The following KCNQ1OT1 variants were observed in gnomAD, a reference collection of about 807,000 sequenced individuals.
The protein encoded by KCNQ1OT1 is KCNQ1 antisense RNA 2 (non-protein coding).
chr11:2,628,271 C>A (rs931252248), exon 1 of KCNQ1OT1: 2 of 398,486 alleles, frequency 5.0e-6, no homozygotes, highest in Non-Finnish European at 8.8e-6. Context: ...TAAGGGACAC[C>A]TTTTCTCCAC....
exon 1 of KCNQ1OT1, chr11:2,635,594 A>T (rs1362442171): frequency 1.3e-5 from 2 of 152,120 alleles, no homozygotes; most frequent in South Asian, 2.1e-4. Flanking sequence ...GCCTTGTAGT[A>T]TAGTTTGAAG....
exon 1 of KCNQ1OT1, chr11:2,694,820 A>C: frequency 2.5e-6 from 1 of 398,650 alleles, no homozygotes. Flanking sequence ...GAGTGACTGA[A>C]GGGGATGACA....
exon 1 of KCNQ1OT1, chr11:2,675,408 G>A: frequency 2.5e-6 from 1 of 398,476 alleles, no homozygotes; most frequent in Non-Finnish European, 4.4e-6. Flanking sequence ...CAAATTAATT[G>A]AAAAATATAT....
rs917797496 is a variant in KCNQ1OT1 at position 2,614,757 on chromosome 11, C to T, written n.85238G>A. On this transcript the variant is annotated non_coding_transcript_exon_variant, in exon 1 of 1. Coordinates refer to ENST00000597346, the Ensembl canonical transcript of KCNQ1OT1. ...TATGTCCATCCTTGTGTCCTAGAGA[C>T]CACATTGTGTCAGTACCACATTGTT... 2.0e-5 allele frequency: 8 copies of T among 398,258 alleles called. No individual in the cohort carries two copies. In the Admixed American group the frequency reaches 3.5e-4, roughly 18 times the overall value. The allele number at this position is 398,258 out of a possible 1,614,324, so 24.7% of individuals were successfully genotyped here.
At chr11:2,656,184 C>G (rs1375776966) in exon 1 of KCNQ1OT1, 1 of 398,412 alleles carries the variant, frequency 2.5e-6, no homozygotes, top group African/African-American at 2.1e-5. Context: ...TTTCTTTCTT[C>G]CTTCCTTTAA....
At position 2,642,049 on chromosome 11, in the gene KCNQ1OT1, C is replaced by T. The variant is rs1849588214; in HGVS notation, n.57946G>A. ...TATAGCCTTATATTTTTAAATCAGG[C>T]AGTGTGATGCATCCAACTTTGTTAT... On this transcript the variant is annotated non_coding_transcript_exon_variant, in exon 1 of 1. Transcript: ENST00000597346. This position sits in a 1 kb window ranked among gnomAD's most constrained non-coding sequence, Gnocchi z 4.3. The T allele has an allele frequency of 5.0e-6, 2 of 398,194 alleles. No homozygotes were observed. The highest frequency in any genetic ancestry group is 8.9e-6 in the Non-Finnish European group (2 of 225,888). 24.7% of individuals were successfully genotyped at this position (398,194 alleles called of 1,614,324 possible). A position where few individuals can be genotyped will look rare whatever the true frequency, so the allele number is the denominator to read the frequency against.
chr11:2,651,739 TC>T lies in KCNQ1OT1; in HGVS notation n.48255del, dbSNP rs1315248255. On this transcript the variant is annotated non_coding_transcript_exon_variant, in exon 1 of 1. Coordinates refer to ENST00000597346, the Ensembl canonical transcript of KCNQ1OT1. This position sits in a 1 kb window ranked among gnomAD's most constrained non-coding sequence, Gnocchi z 6.1. ...GCATCATCCTCATTTCTATACGTTTTCTCTGATTACTGGAAATTCCTCAAGT... is the reference window on the plus strand; with the variant it reads ...GCATCATCCTCATTTCTATACGTTTTTCTGATTACTGGAAATTCCTCAAGT... The T allele has an allele frequency of 7.5e-6, 3 of 398,550 alleles. No homozygotes were observed. Among genetic ancestry groups the T allele is most frequent in the Non-Finnish European group, 1.3e-5 (3 of 226,100 alleles). 24.7% of individuals were successfully genotyped at this position (398,550 alleles called of 1,614,324 possible). A position where few individuals can be genotyped will look rare whatever the true frequency, so the allele number is the denominator to read the frequency against.
chr11:2,687,340 C>G lies in KCNQ1OT1; in HGVS notation n.12655G>C, dbSNP rs1274453921. On this transcript the variant is annotated non_coding_transcript_exon_variant, in exon 1 of 1. Transcript: ENST00000597346. The surrounding 1 kb of genome is among the most constrained non-coding windows in gnomAD (Gnocchi z 5.0). ...CTGGCTGAGGGCTGTGAGCCAGAGG[C>G]TGAGGTAGCCAGGTCTGCCTTGGGC... The G allele has an allele frequency of 5.0e-6, 2 of 398,580 alleles. No individual in the cohort carries two copies. The highest frequency in any genetic ancestry group is 8.8e-5 in the Admixed American group (2 of 22,714). The allele number at this position is 398,580 out of a possible 1,614,324, so 24.7% of individuals were successfully genotyped here.
At chr11:2,699,507 AGCCCCC>A in exon 1 of KCNQ1OT1, 2 of 176,920 alleles carry the variant, frequency 1.1e-5, no homozygotes, top group Non-Finnish European at 1.8e-5. Context: ...CGCGCTGAGG[AGCCCCC>A]AGGAGAGTGC....
Position 2,677,705 on chromosome 11 carries a change from C to T in KCNQ1OT1, n.22290G>A, listed in dbSNP as rs1377956542. On this transcript the variant is annotated non_coding_transcript_exon_variant, in exon 1 of 1. Coordinates refer to ENST00000597346, the Ensembl canonical transcript of KCNQ1OT1. The surrounding 1 kb of genome is among the most constrained non-coding windows in gnomAD (Gnocchi z 4.5). ...CTACTGTTATTTTTCAAATTAACTT[C>T]CCAATCAAATATCTCTATTGTAAAA... is the stretch of plus-strand genomic sequence containing the variant. 1 of 398,320 alleles carries T rather than the reference C, an allele frequency of 2.5e-6. No homozygotes were observed. The highest frequency in any genetic ancestry group is 4.4e-6 in the Non-Finnish European group (1 of 226,012). The allele number at this position is 398,320 out of a possible 1,614,324, so 24.7% of individuals were successfully genotyped here.
exon 1 of KCNQ1OT1, chr11:2,650,692 G>A (rs1849743485): frequency 2.5e-6 from 1 of 398,510 alleles, no homozygotes; most frequent in East Asian, 3.6e-5. Context: ...GATTCTGTAT[G>A]CAGTTTTGCA....
At chr11:2,629,067 C>A (rs1205019838) in exon 1 of KCNQ1OT1, 2 of 397,926 alleles carry the variant, frequency 5.0e-6, no homozygotes, top group African/African-American at 4.1e-5. Flanking sequence ...TGCTTTAGAT[C>A]TTTAAGGTCT....
In KCNQ1OT1 at chr11:2,613,349, A is replaced by T. The variant is rs1302977260; in HGVS notation, n.86646T>A. The T allele has an allele frequency of 3.8e-5, 15 of 398,498 alleles. No individual in the cohort carries two copies. The highest frequency in any genetic ancestry group is 1.3e-4 in the South Asian group (1 of 7,858). The allele number at this position is 398,498 out of a possible 1,614,324, so 24.7% of individuals were successfully genotyped here. On this transcript the variant is annotated non_coding_transcript_exon_variant, in exon 1 of 1. Transcript: ENST00000597346. This position sits in a 1 kb window ranked among gnomAD's most constrained non-coding sequence, Gnocchi z 4.8. ...TTCTTAATCTGTCGCTTGCCCAACC[A>T]GTATTGAAACATTAGGTTGCTGTGA...
chr11:2,616,267 T>C (rs1849062833), exon 1 of KCNQ1OT1: 1 of 397,692 alleles, frequency 2.5e-6, no homozygotes, highest in South Asian at 1.3e-4. Flanking sequence ...ATTTTAGATA[T>C]GTGCAACTTC....
chr11:2,625,149 A>G (rs1475547380), exon 1 of KCNQ1OT1: 1 of 398,558 alleles, frequency 2.5e-6, no homozygotes, highest in Non-Finnish European at 4.4e-6. Context: ...TTGAAGGAAC[A>G]CCAAACTGTT....
chr11:2,692,088 C>T, exon 1 of KCNQ1OT1: 1 of 398,794 alleles, frequency 2.5e-6, no homozygotes, highest in Non-Finnish European at 4.4e-6. Context: ...TCACCTGCCC[C>T]CACCTCCTCT....
At chr11:2,680,907 A>G in exon 1 of KCNQ1OT1, 1 of 398,564 alleles carries the variant, frequency 2.5e-6, no homozygotes, top group Non-Finnish European at 4.4e-6. Flanking sequence ...GCATTTTGGT[A>G]TGACCCAATT....
exon 1 of KCNQ1OT1, chr11:2,649,246 T>C: frequency 2.5e-6 from 1 of 398,458 alleles, no homozygotes; most frequent in Non-Finnish European, 4.4e-6. Flanking sequence ...CTTACTCCTG[T>C]CATTTTATTG....
At chr11:2,685,087 C>G (rs1171065564) in exon 1 of KCNQ1OT1, 4 of 398,480 alleles carry the variant, frequency 1.0e-5, no homozygotes, top group Non-Finnish European at 1.8e-5. Context: ...TTACAGATTC[C>G]AGGGAAGGGG....
Sources: gnomAD v4.1 joint callset for allele counts on GRCh38, gnomAD v4.1.1 for gene constraint, Gnocchi (gnomAD v3.1) non-coding constraint, MANE v1.5 for transcripts, NCBI Gene and HGNC (gene_info 2026-07-23, HGNC 2026-07-21) for gene names.